The following SPAG17 variants were observed in gnomAD, a reference collection of about 807,000 sequenced individuals.
SPAG17 encodes sperm associated antigen 17, also known as sperm-associated antigen 17.
Under a neutral mutation model 273.6 loss-of-function variants are expected in SPAG17, and 169 were observed. That is an observed-to-expected ratio of 0.62 (90% CI 0.55 to 0.70). The LOEUF (loss-of-function observed/expected upper bound fraction) is 0.70, where lower values mean the gene tolerates loss of function less well. SPAG17 is among the 30% of genes least tolerant of loss of function. The pLI is 0.00. For synonymous variants in SPAG17, 825 were observed against 873.2 expected (o/e 0.94, Z 0.97); for missense variants, 2,557 against 2,627.8 (o/e 0.97, Z 0.59).
chr1:118,120,006 C>T lies in SPAG17; in HGVS notation c.316-4565G>A, dbSNP rs190267541. Among the ~76,000 whole-genome samples, 536 of 152,172 alleles carry T rather than the reference C, an allele frequency of 3.5e-3. 1 individual carries two copies. Among genetic ancestry groups the T allele is most frequent in the Non-Finnish European group, 6.0e-3 (407 of 67,992 alleles). On this transcript the variant is annotated intron_variant, in intron 3 of 48. Transcript: ENST00000336338. ...GTTTGCTCATTTATTTAACTAGCTC[C>T]CCATTGACAGACATTTAAACAATTT...
Position 118,008,312 on chromosome 1 carries a change from A to G in SPAG17, c.4433-114T>C, listed in dbSNP as rs556418878. ...GCTGTCTGGATTCCCCATGGAAAAA[A>G]CACAATTGTAAAGTCTAGAGCAAGT... On this transcript the variant is annotated intron_variant, in intron 30 of 48. Coordinates refer to ENST00000336338, the MANE Select transcript of SPAG17 (RefSeq NM_206996.4). 83 of 1,235,224 alleles carry G rather than the reference A, an allele frequency of 6.7e-5. 1 individual carries two copies. The Middle Eastern group carries it at 8.2e-4, about 12-fold the overall frequency. 76.5% of individuals were successfully genotyped at this position (1,235,224 alleles called of 1,614,324 possible).
chr1:118,171,026 T>G (rs975478161), intron 1 of SPAG17, among the ~76,000 whole-genome samples: 2 of 152,126 alleles, frequency 1.3e-5, no homozygotes, highest in African/African-American at 4.8e-5. Flanking sequence ...AATAGGTAAT[T>G]CCAAGATGAG....
rs770680556 is a variant in SPAG17, at chr1:118,101,866, T to A, written c.508A>T (p.Lys170Ter). 199 of 1,614,060 alleles carry A rather than the reference T, an allele frequency of 1.2e-4. No homozygotes were observed. Among genetic ancestry groups the A allele is most frequent in the Non-Finnish European group, 1.6e-4 (186 of 1,179,954 alleles). The change falls in exon 5 of 49, where the codon AAA (lysine) becomes TAA (stop). Residue 170 changes from lysine to a stop codon, truncating the protein, a stop_gained. Transcript: ENST00000336338. LOFTEE classifies it high-confidence loss of function. ...DKGKAKSPKE[K>*]KAPSAKPAKG... Reference sequence around the variant, plus strand: ...GCAGGCTTGGCACTTGGAGCCTTTTTCTCCTTGGGAGATTTTGCTTTCCCT... The same window carrying A: ...GCAGGCTTGGCACTTGGAGCCTTTTACTCCTTGGGAGATTTTGCTTTCCCT...
intron 18 of SPAG17, among the ~76,000 whole-genome samples, chr1:118,056,289 T>A (rs1049551126): frequency 2.6e-5 from 4 of 152,198 alleles, no homozygotes; most frequent in African/African-American, 7.2e-5. Flanking sequence ...TGGAGAATAA[T>A]ACAATGCAAT....
In SPAG17 at chr1:118,053,599, T is replaced by C. The variant is rs150886983; in HGVS notation, c.2814+403A>G. Among the ~76,000 whole-genome samples the C allele has an allele frequency of 2.4e-4, 37 of 151,950 alleles. No homozygotes were observed. The East Asian group carries it at 6.9e-3, about 29-fold the overall frequency. On this transcript the variant is annotated intron_variant, in intron 20 of 48. Coordinates refer to ENST00000336338, the MANE Select transcript of SPAG17 (RefSeq NM_206996.4). Reference sequence around the variant, plus strand: ...AAAGTAATACATTTACATTATACTATATAAAAATACATTTCAGATAGATAT... The same window carrying C: ...AAAGTAATACATTTACATTATACTACATAAAAATACATTTCAGATAGATAT...
chr1:118,075,211 A>G (rs1422981032), intron 15 of SPAG17, among the ~76,000 whole-genome samples: 3 of 152,372 alleles, frequency 2.0e-5, no homozygotes, highest in East Asian at 3.9e-4. Context: ...AGTTAAATAA[A>G]TAAATGAAGC....
At chr1:118,059,603 T>G (rs1488740524) in intron 18 of SPAG17, among the ~76,000 whole-genome samples, 1 of 152,114 alleles carries the variant, frequency 6.6e-6, no homozygotes, top group Non-Finnish European at 1.5e-5. Context: ...ACTTTGCTGT[T>G]CAATGTTGTG....
chr1:118,096,603 T>C (rs1271755985), intron 7 of SPAG17, among the ~76,000 whole-genome samples: 1 of 152,196 alleles, frequency 6.6e-6, no homozygotes, highest in African/African-American at 2.4e-5. Flanking sequence ...AGCAGAGGGA[T>C]GCCTGAATAC....
intron 4 of SPAG17, among the ~76,000 whole-genome samples, chr1:118,113,815 A>G (rs970543180): frequency 1.3e-5 from 2 of 152,174 alleles, no homozygotes; most frequent in Non-Finnish European, 2.9e-5. Flanking sequence ...AATGCTGAGT[A>G]AAATAATGGT....
At position 118,073,862 on chromosome 1, in the gene SPAG17, G is replaced by A; in HGVS notation, c.2377C>T (p.Leu793=). Residue 793 remains leucine, a synonymous_variant, in exon 17 of 49, where the codon CTG becomes TTG. Transcript: ENST00000336338. ...SFTEHFKPKV[L]LQVLQEAHKQ... ...TCACAGTCCATAAATACCTGAAGCAGTACTTTCGGTTTAAAATGTTCAGTA... is the reference window on the plus strand; with the variant it reads ...TCACAGTCCATAAATACCTGAAGCAATACTTTCGGTTTAAAATGTTCAGTA... The A allele has an allele frequency of 1.3e-6, 2 of 1,581,182 alleles. No homozygotes were observed. Among genetic ancestry groups the A allele is most frequent in the Non-Finnish European group, 1.7e-6 (2 of 1,167,352 alleles).
rs552234718 is a variant in SPAG17, at chr1:118,039,503, G to A, written c.3167-59C>T. The A allele has an allele frequency of 4.4e-5, 67 of 1,537,150 alleles. No homozygotes were observed. The African/African-American group carries it at 6.3e-4, about 14-fold the overall frequency. ...ATTAGGATGCCACATTAAGCTCCTCGACAAGATGGTTACACAATGCTGCAC... is the reference window on the plus strand; with the variant it reads ...ATTAGGATGCCACATTAAGCTCCTCAACAAGATGGTTACACAATGCTGCAC... On this transcript the variant is annotated intron_variant, in intron 22 of 48. Transcript: ENST00000336338.
At chr1:117,975,016 A>T (rs1314936446) in intron 43 of SPAG17, among the ~76,000 whole-genome samples, 2 of 152,210 alleles carry the variant, frequency 1.3e-5, no homozygotes, top group Non-Finnish European at 2.9e-5. Flanking sequence ...AGCAAAGCCC[A>T]GTCAATGAGG....
chr1:118,099,762 C>A lies in SPAG17; in HGVS notation c.673G>T (p.Val225Phe), dbSNP rs1655943028. Residue 225 changes from valine to phenylalanine, a missense_variant, in exon 6 of 49, where the codon GTT (valine) becomes TTT (phenylalanine). Val to Phe is a conservative substitution (Grantham distance 50). Coordinates refer to ENST00000336338, the MANE Select transcript of SPAG17 (RefSeq NM_206996.4). Reference protein sequence around the residue: ...PDDGAQHYIIVVGFNNPQLLA... With the variant: ...PDDGAQHYIIFVGFNNPQLLA... ...AGCTGAGGATTGTTAAAGCCCACAA[C>A]TATAATGTAATGTTGGGCACCATCA... 2 of 1,613,136 alleles carry A rather than the reference C, an allele frequency of 1.2e-6. No individual in the cohort carries two copies. The highest frequency in any genetic ancestry group is 1.7e-6 in the Non-Finnish European group (2 of 1,179,916).
At chr1:118,143,355 C>G (rs181194993) in intron 3 of SPAG17, among the ~76,000 whole-genome samples, 1 of 152,294 alleles carries the variant, frequency 6.6e-6, no homozygotes, top group East Asian at 1.9e-4. Context: ...AGTTACCTAA[C>G]CAGTCTGATT....
chr1:118,109,506 G>T (rs889441510), intron 4 of SPAG17, among the ~76,000 whole-genome samples: 2 of 150,666 alleles, frequency 1.3e-5, no homozygotes. Flanking sequence ...AGTGAGCCGA[G>T]ATCGTGCCAC....
At chr1:117,972,795 C>A (rs1006716242) in intron 44 of SPAG17, among the ~76,000 whole-genome samples, 2 of 151,838 alleles carry the variant, frequency 1.3e-5, no homozygotes, top group Non-Finnish European at 2.9e-5. Context: ...AGATAATTAT[C>A]AAAACTGGTG....
chr1:118,154,785 A>T (rs912988430), intron 1 of SPAG17, among the ~76,000 whole-genome samples: 2 of 152,100 alleles, frequency 1.3e-5, no homozygotes, highest in African/African-American at 4.8e-5. Context: ...GGGCAAATGA[A>T]AGTATAATGT....
At chr1:117,971,741 T>C (rs1385444891) in intron 45 of SPAG17, 122 bp downstream of exon 45, 1 of 710,054 alleles carries the variant, frequency 1.4e-6, no homozygotes, top group Non-Finnish European at 2.3e-6. Flanking sequence ...GAATGAATAA[T>C]GTGAAGATTC....
rs1172797965 is a variant in SPAG17, at chr1:118,093,180, T to C, written c.1149A>G (p.Val383=). The part of the protein sequence containing the change: ...NVPQVVNEKP[V]LEAMPTSEAP... ...CCTCTGAAGTTGGCATGGCTTCTAA[T>C]ACAGGTTTCTCATTAACCACTTGTG... The change falls in exon 8 of 49, where the codon GTA becomes GTG. Residue 383 remains valine, a synonymous_variant. Transcript: ENST00000336338. 1.9e-5 allele frequency: 31 copies of C among 1,613,588 alleles called. No homozygotes were observed. Among genetic ancestry groups the C allele is most frequent in the Non-Finnish European group, 2.6e-5 (31 of 1,179,740 alleles).
Sources: allele counts gnomAD v4.1 joint callset (sites outside exome capture counted in the v4.1 genomes callset), GRCh38; gene constraint gnomAD v4.1.1; transcripts MANE v1.5; gene names NCBI Gene and HGNC (gene_info 2026-07-23, HGNC 2026-07-21).